Variants in ADAMTS18 observed in about 807,000 individuals in gnomAD.
The protein encoded by ADAMTS18 is A disintegrin and metalloproteinase with thrombospondin motifs 18.
Under a neutral mutation model 165.9 loss-of-function variants are expected in ADAMTS18, and 157 were observed. That is an observed-to-expected ratio of 0.95 (90% CI 0.83 to 1.08). The LOEUF is 1.08. ADAMTS18 is among the 50% of genes least tolerant of loss of function. The probability of loss-of-function intolerance (pLI) is 0.00; values close to 1 mark genes in which losing one functional copy is unlikely to be tolerated. For missense variants in ADAMTS18, 2,040 were observed against 1,534.0 expected (o/e 1.33, Z -5.51); for synonymous variants, 782 against 578.2 (o/e 1.35, Z -5.06).
At chr16:77,296,346 A>G (rs1360146472) in intron 18 of ADAMTS18, among the ~76,000 whole-genome samples, 1 of 152,074 alleles carries the variant, frequency 6.6e-6, no homozygotes, top group African/African-American at 2.4e-5. Context: ...CCTATACCCC[A>G]TTCTTTTTAT....
intron 12 of ADAMTS18, 115 bp from the exon 13 acceptor site, chr16:77,326,153 G>C (rs1266955064): frequency 1.0e-6 from 1 of 998,504 alleles, no homozygotes; most frequent in Non-Finnish European, 1.5e-6. Flanking sequence ...GTATGCAAAG[G>C]CATACAGTCT....
chr16:77,378,352 A>AAAC (rs1555521549), intron 3 of ADAMTS18, among the ~76,000 whole-genome samples: 1 of 51,174 alleles, frequency 2.0e-5, no homozygotes, highest in African/African-American at 5.8e-5. Context: ...AAAAAAAACA[A>AAAC]AAAAAAAAAA....
rs569640219 is a variant in ADAMTS18 at position 77,418,900 on chromosome 16, C to T, written c.495+12395G>A. Among the ~76,000 whole-genome samples, 6 of 152,308 alleles carry T rather than the reference C, an allele frequency of 3.9e-5. No homozygotes were observed. The South Asian group carries it at 1.0e-3, about 26-fold the overall frequency. On this transcript the variant is annotated intron_variant, in intron 3 of 22. Coordinates refer to ENST00000282849, the MANE Select transcript of ADAMTS18 (RefSeq NM_199355.4). ...GTGCGGCAGCTCACGCCTGTAATCC[C>T]GGCACTTTGGGAGGTCCAGGCAGGT...
At chr16:77,337,012 T>A (rs998972807) in intron 11 of ADAMTS18, among the ~76,000 whole-genome samples, 1 of 152,196 alleles carries the variant, frequency 6.6e-6, no homozygotes, top group Non-Finnish European at 1.5e-5. Context: ...TGCGATACAT[T>A]TGGCTTCATG....
rs111434703 is a variant in ADAMTS18 at position 77,351,362 on chromosome 16, C to T, written c.1614+2371G>A. Among the ~76,000 whole-genome samples, 530 of 152,170 alleles carry T rather than the reference C, an allele frequency of 3.5e-3. 6 individuals carry two copies. The highest frequency in any genetic ancestry group is 0.012 in the African/African-American group (501 of 41,514). ...CTTTGCTCTGCTTCCCATGAAAGAC[C>T]ATCAGAATGAGAAGCTGTCTTTTAA... On this transcript the variant is annotated intron_variant, in intron 10 of 22. Transcript: ENST00000282849.
chr16:77,290,723 A>C (rs1223595717), intron 21 of ADAMTS18: 1 of 163,872 alleles, frequency 6.1e-6, no homozygotes, highest in Non-Finnish European at 1.3e-5. Flanking sequence ...TCTTCTGAAA[A>C]GAAGGGTGCC....
At chr16:77,426,380 G>A (rs1319380220) in intron 3 of ADAMTS18, among the ~76,000 whole-genome samples, 1 of 152,080 alleles carries the variant, frequency 6.6e-6, no homozygotes, top group South Asian at 2.1e-4. Context: ...AGAAGTTAGG[G>A]AAACTATAGG....
At chr16:77,345,262 A>G (rs2056459089) in intron 10 of ADAMTS18, among the ~76,000 whole-genome samples, 1 of 152,170 alleles carries the variant, frequency 6.6e-6, no homozygotes, top group Non-Finnish European at 1.5e-5. Flanking sequence ...ATCCAAAATA[A>G]AAGTTCTTCA....
chr16:77,346,906 C>T (rs761619272), intron 10 of ADAMTS18, among the ~76,000 whole-genome samples: 4 of 152,164 alleles, frequency 2.6e-5, no homozygotes, highest in Non-Finnish European at 5.9e-5. Context: ...ATAAACACCA[C>T]CACATTCAAG....
chr16:77,371,456 G>C (rs2056875310), intron 3 of ADAMTS18, among the ~76,000 whole-genome samples: 1 of 151,958 alleles, frequency 6.6e-6, no homozygotes, highest in Non-Finnish European at 1.5e-5. Context: ...CAGAACAGAA[G>C]AGAACCCTGA....
intron 3 of ADAMTS18, among the ~76,000 whole-genome samples, chr16:77,391,194 CT>C (rs1329293711): frequency 3.3e-5 from 5 of 152,146 alleles, no homozygotes; most frequent in Middle Eastern, 6.8e-3. Flanking sequence ...TTTATAAGTC[CT>C]TTGTTTTATA....
chr16:77,365,149 T>A (rs906971213), intron 4 of ADAMTS18, among the ~76,000 whole-genome samples: 2 of 149,058 alleles, frequency 1.3e-5, no homozygotes, highest in Non-Finnish European at 3.0e-5. Flanking sequence ...TAAGATAGAG[T>A]CTCTGGGTGA....
chr16:77,424,931 C>T (rs1021615849), intron 3 of ADAMTS18, among the ~76,000 whole-genome samples: 19 of 152,276 alleles, frequency 1.2e-4, no homozygotes, highest in South Asian at 4.1e-4. Context: ...TCTTTCTGCC[C>T]GCCATGGACG....
intron 17 of ADAMTS18, 128 bp downstream of exon 17, chr16:77,300,135 G>C: frequency 8.9e-7 from 1 of 1,120,172 alleles, no homozygotes; most frequent in Non-Finnish European, 1.3e-6. Context: ...TGCTTTTATG[G>C]TGATGGTTCT....
At chr16:77,413,946 C>G (rs534458740) in intron 3 of ADAMTS18, among the ~76,000 whole-genome samples, 1 of 152,136 alleles carries the variant, frequency 6.6e-6, no homozygotes, top group Admixed American at 6.5e-5. Flanking sequence ...TTAATTTAGT[C>G]TCTATTTTAA....
At chr16:77,303,707 A>T (rs1217023449) in intron 16 of ADAMTS18, among the ~76,000 whole-genome samples, 1 of 152,112 alleles carries the variant, frequency 6.6e-6, no homozygotes, top group Non-Finnish European at 1.5e-5. Flanking sequence ...TTCATATATT[A>T]AAAAAACACA....
intron 11 of ADAMTS18, among the ~76,000 whole-genome samples, chr16:77,336,114 G>GA (rs566146195): frequency 5.3e-5 from 8 of 152,202 alleles, no homozygotes; most frequent in South Asian, 4.1e-4. Context: ...CATCTAGAGA[G>GA]AAGTGGCATT....
chr16:77,356,571 C>T (rs892482246), intron 8 of ADAMTS18, among the ~76,000 whole-genome samples: 12 of 152,164 alleles, frequency 7.9e-5, no homozygotes, highest in African/African-American at 2.4e-4. Flanking sequence ...CAACTATGAT[C>T]AATTTATTAG....
At chr16:77,379,834 G>C (rs2057006513) in intron 3 of ADAMTS18, among the ~76,000 whole-genome samples, 1 of 152,078 alleles carries the variant, frequency 6.6e-6, no homozygotes, top group Non-Finnish European at 1.5e-5. Context: ...CCCCTTCCCA[G>C]TGAACACCTG....
Sources: gnomAD v4.1 joint callset for allele counts (sites outside exome capture counted in the v4.1 genomes callset) on GRCh38, gnomAD v4.1.1 for gene constraint, MANE v1.5 for transcripts, NCBI Gene and HGNC (gene_info 2026-07-23, HGNC 2026-07-21) for gene names.